The following PRKACB variants were observed in gnomAD, a reference collection of about 807,000 sequenced individuals.
PRKACB encodes protein kinase cAMP-activated catalytic subunit beta.
In PRKACB, 16 loss-of-function variants were observed where a neutral mutation model predicts 51.4. The observed-to-expected ratio is 0.31, with a 90% CI of 0.21 to 0.47. The LOEUF (loss-of-function observed/expected upper bound fraction) is 0.47, where lower values mean the gene tolerates loss of function less well. Ranked by LOEUF, PRKACB falls within the 20% of genes least tolerant of loss-of-function variation. The pLI is 1.00. For missense variants in PRKACB, 309 were observed against 464.5 expected (o/e 0.67, Z 3.08); for synonymous variants, 147 against 154.4 (o/e 0.95, Z 0.35).
chr1:84,113,075 A>C (rs1650362385), intron 1 of PRKACB, among the ~76,000 whole-genome samples: 1 of 152,214 alleles, frequency 6.6e-6, no homozygotes, highest in Non-Finnish European at 1.5e-5. Flanking sequence ...CTAAATATGA[A>C]ATTTAGATGA....
chr1:84,133,870 C>T (rs1358114283), intron 1 of PRKACB, among the ~76,000 whole-genome samples: 1 of 119,660 alleles, frequency 8.4e-6, no homozygotes, highest in African/African-American at 2.6e-5. Flanking sequence ...TTTAACAGTT[C>T]AGTGGACCCT....
intron 1 of PRKACB, among the ~76,000 whole-genome samples, chr1:84,133,089 CAGAAAACCAAAAACTAAG>C (rs1486872721): frequency 6.6e-6 from 1 of 151,808 alleles, no homozygotes; most frequent in Non-Finnish European, 1.5e-5. Context: ...TTAAAAACTG[CAGAAAACCAAAAACTAAG>C]AGAAAATCTT....
In PRKACB at chr1:84,109,873, C is replaced by T. The variant is rs558696685; in HGVS notation, c.46+31502C>T. Among the ~76,000 whole-genome samples, 20 of 151,642 alleles carry T rather than the reference C, an allele frequency of 1.3e-4. No homozygotes were observed. The South Asian group carries it at 1.9e-3, about 14-fold the overall frequency. ...GAATATCTTAGACCCTTTTATTAAC[C>T]CTTTTCTGATTATATATGTTATAAA... On this transcript the variant is annotated intron_variant, in intron 1 of 8. Transcript: ENST00000370688.
intron 1 of PRKACB, among the ~76,000 whole-genome samples, chr1:84,110,192 A>G (rs959942429): frequency 2.0e-5 from 3 of 151,968 alleles, no homozygotes; most frequent in African/African-American, 7.2e-5. Context: ...TAAAACAACA[A>G]AACAGTAAAA....
At chr1:84,203,265 A>G (rs535128914) in intron 8 of PRKACB, among the ~76,000 whole-genome samples, 2 of 152,144 alleles carry the variant, frequency 1.3e-5, no homozygotes, top group Admixed American at 1.3e-4. Flanking sequence ...ATGGAAATTT[A>G]TAGAATTGAT....
At chr1:84,205,057 G>A in intron 8 of PRKACB, 1 of 982,702 alleles carries the variant, frequency 1.0e-6, no homozygotes, top group Non-Finnish European at 1.2e-6. Context: ...ACAATATTCT[G>A]TTTTCCCCTT....
chr1:84,121,532 A>G (rs2100886833), intron 1 of PRKACB, among the ~76,000 whole-genome samples: 1 of 152,262 alleles, frequency 6.6e-6, no homozygotes, highest in South Asian at 2.1e-4. Context: ...GATCTCTAAA[A>G]TGCCTGGTGC....
At chr1:84,116,971 A>G (rs1217496981) in intron 1 of PRKACB, among the ~76,000 whole-genome samples, 1 of 151,104 alleles carries the variant, frequency 6.6e-6, no homozygotes, top group Non-Finnish European at 1.5e-5. Context: ...TATGGCCTTT[A>G]TTATTTTGAG....
chr1:84,206,005 C>A (rs1277653645), intron 8 of PRKACB, among the ~76,000 whole-genome samples: 1 of 152,096 alleles, frequency 6.6e-6, no homozygotes, highest in Non-Finnish European at 1.5e-5. Flanking sequence ...TGACAAGAAT[C>A]AGTTATGGTC....
intron 9 of PRKACB, among the ~76,000 whole-genome samples, chr1:84,230,809 T>A (rs1283664210): frequency 2.7e-5 from 4 of 148,210 alleles, no homozygotes; most frequent in African/African-American, 1.0e-4. Context: ...CTGAAGTTGC[T>A]TATCAGCTTA....
At chr1:84,108,572 A>G (rs1167034187) in intron 1 of PRKACB, among the ~76,000 whole-genome samples, 2 of 152,020 alleles carry the variant, frequency 1.3e-5, no homozygotes, top group African/African-American at 4.8e-5. Context: ...AGACACCATT[A>G]TAAGTGCTTT....
intron 9 of PRKACB, among the ~76,000 whole-genome samples, chr1:84,231,869 C>G (rs1480303666): frequency 6.6e-6 from 1 of 151,776 alleles, no homozygotes; most frequent in South Asian, 2.1e-4. Context: ...TTCAAAAAAC[C>G]AGCTCCTGGA....
chr1:84,194,485 T>C (rs531949722), intron 5 of PRKACB, among the ~76,000 whole-genome samples: 35 of 152,330 alleles, frequency 2.3e-4, no homozygotes, highest in African/African-American at 8.4e-4. Flanking sequence ...AATGAGGCAT[T>C]ATAATTCTCT....
At chr1:84,175,100 T>A in intron 1 of PRKACB, 2 of 1,378,924 alleles carry the variant, frequency 1.5e-6, no homozygotes, top group Admixed American at 3.5e-5. Flanking sequence ...CCTTTAAAAT[T>A]TTTTATTTAT....
At chr1:84,225,627 T>C (rs1674460766) in intron 9 of PRKACB, among the ~76,000 whole-genome samples, 1 of 152,054 alleles carries the variant, frequency 6.6e-6, no homozygotes, top group Non-Finnish European at 1.5e-5. Flanking sequence ...TGGGGGTGGG[T>C]GTGGGACCTG....
Position 84,237,207 on chromosome 1 carries a change from TG to T in PRKACB, c.*1903del. 1 of 152,750 alleles carries T rather than the reference TG, an allele frequency of 6.5e-6. No individual in the cohort carries two copies. The highest frequency in any genetic ancestry group is 2.1e-4 in the South Asian group (1 of 4,830). The allele number at this position is 152,750 out of a possible 1,614,324, so 9.5% of individuals were successfully genotyped here. A position where few individuals can be genotyped will look rare whatever the true frequency, so the allele number is the denominator to read the frequency against. On this transcript the variant is annotated 3_prime_UTR_variant, in exon 10 of 10. Coordinates refer to ENST00000370685, the MANE Select transcript of PRKACB (RefSeq NM_182948.4). ...TTTGTGTAACAAAGGCATATCGTCA[TG>T]TTAATAAATTTAAAACATCATTCGT... is the stretch of plus-strand genomic sequence containing the variant.
rs781407944 is a variant in PRKACB at position 84,197,712 on chromosome 1, CT to C, written c.688-10del. Reference sequence around the variant, plus strand: ...GAGGTAATACATTTTCACTAGTATTCTTTTTTTCTTTTATAGGTCACAGACT... The same window carrying C: ...GAGGTAATACATTTTCACTAGTATTCTTTTTTCTTTTATAGGTCACAGACT... On this transcript the variant is annotated splice_polypyrimidine_tract_variant and intron_variant, in intron 6 of 9. Coordinates refer to ENST00000370685, the MANE Select transcript of PRKACB (RefSeq NM_182948.4). 1.2e-5 allele frequency: 18 copies of C among 1,550,862 alleles called. No homozygotes were observed. The highest frequency in any genetic ancestry group is 1.1e-4 in the South Asian group (10 of 87,088).
intron 1 of PRKACB, 112 bp from the exon 2 acceptor site, chr1:84,179,065 A>G: frequency 8.2e-7 from 1 of 1,221,948 alleles, no homozygotes; most frequent in South Asian, 1.5e-5. Context: ...ATTTTATCAC[A>G]ATAGATGACA....
At chr1:84,181,591 CTTA>C in intron 2 of PRKACB, 1 of 1,007,878 alleles carries the variant, frequency 9.9e-7, no homozygotes, top group Non-Finnish European at 1.3e-6. Flanking sequence ...CTCTTCTTTC[CTTA>C]TTGTTGTTGT....
Sources: gnomAD v4.1 joint callset for allele counts (sites outside exome capture counted in the v4.1 genomes callset) on GRCh38, gnomAD v4.1.1 for gene constraint, MANE v1.5 for transcripts, NCBI Gene and HGNC (gene_info 2026-07-23, HGNC 2026-07-21) for gene names.